Variants in THEMIS observed in about 807,000 individuals in gnomAD.
The protein encoded by THEMIS is protein THEMIS.
In THEMIS, 37 loss-of-function variants were observed where a neutral mutation model predicts 52.6. That is an observed-to-expected ratio of 0.70 (90% CI 0.54 to 0.93). The LOEUF is 0.93. Ranked by LOEUF, THEMIS falls within the 40% of genes least tolerant of loss-of-function variation. THEMIS has a pLI of 0.00. For synonymous variants in THEMIS, 292 were observed against 272.7 expected, an observed-to-expected ratio of 1.07 and a Z score of -0.70; for missense variants, 808 against 763.1, an observed-to-expected ratio of 1.06 and a Z score of -0.69.
At chr6:127,700,638 C>A in the THEMIS span, among the ~76,000 whole-genome samples, 11 of 151,890 alleles carry the variant, frequency 7.2e-5, no homozygotes, top group African/African-American at 2.7e-4. Flanking sequence ...TTTATGAGAT[C>A]ATCCCAATGG....
chr6:127,871,068 T>C (rs968773802), intron 1 of THEMIS, among the ~76,000 whole-genome samples: 3 of 152,126 alleles, frequency 2.0e-5, no homozygotes, highest in Non-Finnish European at 4.4e-5. Flanking sequence ...CAATAACATA[T>C]GCTGAGATAT....
chr6:127,698,478 A>G, the THEMIS span, among the ~76,000 whole-genome samples: 1 of 152,062 alleles, frequency 6.6e-6, no homozygotes, highest in Non-Finnish European at 1.5e-5. Flanking sequence ...ATTGTTTCAG[A>G]GGCCATATTA....
chr6:127,884,655 C>A (rs1229404432), intron 1 of THEMIS, among the ~76,000 whole-genome samples: 2 of 152,174 alleles, frequency 1.3e-5, no homozygotes, highest in Admixed American at 1.3e-4. Context: ...TAAATGTCTA[C>A]TACAATGGAT....
the THEMIS span, among the ~76,000 whole-genome samples, chr6:127,701,785 G>C: frequency 6.6e-6 from 1 of 152,086 alleles, no homozygotes; most frequent in African/African-American, 2.4e-5. Flanking sequence ...TTTGCCTAAA[G>C]ATTGCTGTGA....
At chr6:127,745,393 T>C (rs1562229893) in intron 4 of THEMIS, among the ~76,000 whole-genome samples, 1 of 151,902 alleles carries the variant, frequency 6.6e-6, no homozygotes, top group African/African-American at 2.4e-5. Context: ...ATAAGGTAGA[T>C]ACTTAAAGAC....
chr6:127,822,867 T>G (rs531454124), intron 3 of THEMIS, among the ~76,000 whole-genome samples: 29 of 152,096 alleles, frequency 1.9e-4, no homozygotes, highest in Non-Finnish European at 3.7e-4. Flanking sequence ...AAATTCTCCC[T>G]CAAAACTGCA....
At chr6:127,702,184 G>A in the THEMIS span, among the ~76,000 whole-genome samples, 1 of 152,042 alleles carries the variant, frequency 6.6e-6, no homozygotes, top group Non-Finnish European at 1.5e-5. Flanking sequence ...TCTCACTGGA[G>A]AGCTTTTTCC....
intron 3 of THEMIS, among the ~76,000 whole-genome samples, chr6:127,826,832 T>C (rs748096167): frequency 3.3e-5 from 5 of 152,162 alleles, no homozygotes; most frequent in Non-Finnish European, 5.9e-5. Context: ...CAAAGAGGGA[T>C]AATTTTTTCT....
intron 3 of THEMIS, among the ~76,000 whole-genome samples, chr6:127,821,091 A>T (rs959622276): frequency 6.6e-6 from 1 of 151,960 alleles, no homozygotes; most frequent in African/African-American, 2.4e-5. Context: ...AGAATCTTTT[A>T]TAGATTTATA....
chr6:127,717,372 ACTTAATCATC>A (rs1415856199), intron 5 of THEMIS, among the ~76,000 whole-genome samples: 1 of 152,036 alleles, frequency 6.6e-6, no homozygotes, highest in East Asian at 1.9e-4. Flanking sequence ...TCATTCTATC[ACTTAATCATC>A]CTACTTTCAG....
intron 5 of THEMIS, among the ~76,000 whole-genome samples, chr6:127,715,659 C>T (rs1356148020): frequency 6.6e-6 from 1 of 151,810 alleles, no homozygotes; most frequent in African/African-American, 2.4e-5. Context: ...CTCTAGCTTC[C>T]ACCTTGGCCT....
Position 127,900,996 on chromosome 6 carries a change from T to G in THEMIS, c.-64A>C, listed in dbSNP as rs1781120530. ...GAAACTTGTGGCTTCTGGGTGACAC[T>G]TGTCTGCAATTGCAGCCCCTGCTCA... On this transcript the variant is annotated 5_prime_UTR_variant, in exon 1 of 6. Transcript: ENST00000368248. The G allele has an allele frequency of 2.4e-6, 3 of 1,242,228 alleles. No individual in the cohort carries two copies. Among genetic ancestry groups the G allele is most frequent in the Non-Finnish European group, 3.6e-6 (3 of 843,346 alleles). 77.0% of individuals were successfully genotyped at this position (1,242,228 alleles called of 1,614,324 possible).
chr6:127,896,417 A>G (rs539189907), intron 1 of THEMIS, among the ~76,000 whole-genome samples: 1 of 151,640 alleles, frequency 6.6e-6, no homozygotes, highest in Non-Finnish European at 1.5e-5. Context: ...TCAAATAACT[A>G]AGAATAAATC....
intron 1 of THEMIS, among the ~76,000 whole-genome samples, chr6:127,910,590 GA>G: frequency 1.3e-5 from 2 of 152,212 alleles, no homozygotes; most frequent in Admixed American, 1.3e-4. Context: ...CTGTACATTT[GA>G]AATGGAGTTT....
chr6:127,866,172 C>T (rs1481531931), intron 1 of THEMIS, among the ~76,000 whole-genome samples: 2 of 151,710 alleles, frequency 1.3e-5, no homozygotes, highest in Non-Finnish European at 2.9e-5. Flanking sequence ...GCTTTTTCTT[C>T]CTTCGTTTTC....
At chr6:127,705,263 T>A (rs1773783858), downstream of THEMIS, among the ~76,000 whole-genome samples, 2 of 152,200 alleles carry the variant, frequency 1.3e-5, 1 homozygote, top group South Asian at 4.1e-4. Flanking sequence ...TACTATAAAA[T>A]CAATTAGACA....
chr6:127,881,251 A>G (rs999914839), intron 1 of THEMIS, among the ~76,000 whole-genome samples: 15 of 152,174 alleles, frequency 9.9e-5, no homozygotes, highest in Admixed American at 8.5e-4. Context: ...TGAATGTTTT[A>G]AAGTTAAATA....
chr6:127,764,045 A>C (rs959066816), intron 4 of THEMIS, among the ~76,000 whole-genome samples: 1 of 152,028 alleles, frequency 6.6e-6, no homozygotes, highest in Admixed American at 6.6e-5. Context: ...TGAGAGTATC[A>C]TGAAATTTAT....
chr6:127,838,774 C>A lies in THEMIS; in HGVS notation c.251-8840G>T, dbSNP rs192926899. ...AATTCTTCCTTTAAACCCAGATGTG[C>A]AGTAAAAACTTTATCAAACAGCAAA... On this transcript the variant is annotated intron_variant, in intron 2 of 5. Transcript: ENST00000368248. Among the ~76,000 whole-genome samples the A allele has an allele frequency of 1.7e-4, 26 of 152,172 alleles. No individual in the cohort carries two copies. In the East Asian group the frequency reaches 4.4e-3, roughly 26 times the overall value.
Sources: gnomAD v4.1 joint callset for allele counts (sites outside exome capture counted in the v4.1 genomes callset) on GRCh38, gnomAD v4.1.1 for gene constraint, MANE v1.5 for transcripts, NCBI Gene and HGNC (gene_info 2026-07-23, HGNC 2026-07-21) for gene names.